Variants in MECR observed in about 807,000 individuals in gnomAD.
MECR encodes mitochondrial trans-2-enoyl-CoA reductase.
In MECR, 37 loss-of-function variants were observed where a neutral mutation model predicts 49.1. The observed-to-expected ratio is 0.75, with a 90% confidence interval of 0.58 to 0.99. The LOEUF (loss-of-function observed/expected upper bound fraction) is 0.99. Ranked by LOEUF, MECR falls within the 50% of genes least tolerant of loss-of-function variation. The probability of loss-of-function intolerance (pLI) is 0.00; values close to 1 mark genes in which losing one functional copy is unlikely to be tolerated. For synonymous variants in MECR, 198 were observed against 191.1 expected, an observed-to-expected ratio of 1.04 and a Z score of -0.30; for missense variants, 470 against 479.6, an observed-to-expected ratio of 0.98 and a Z score of 0.19.
At chr1:29,186,001 C>G in the MECR span, among the ~76,000 whole-genome samples, 3 of 152,070 alleles carry the variant, frequency 2.0e-5, no homozygotes, top group Non-Finnish European at 4.4e-5. Flanking sequence ...CACACACACA[C>G]AAAAACAACA....
chr1:29,212,641 C>G (rs1362285538), intron 3 of MECR, among the ~76,000 whole-genome samples: 1 of 152,238 alleles, frequency 6.6e-6, no homozygotes, highest in East Asian at 1.9e-4. Flanking sequence ...CCTCACACTT[C>G]ATCATCTGAA....
In MECR at chr1:29,193,627, T is replaced by A. The variant is rs1401294902; in HGVS notation, c.*395A>T. 1 of 193,108 alleles carries A rather than the reference T, an allele frequency of 5.2e-6. No individual in the cohort carries two copies. The highest frequency in any genetic ancestry group is 1.5e-4 in the East Asian group (1 of 6,498). The allele number at this position is 193,108 out of a possible 1,614,324, so 12.0% of individuals were successfully genotyped here. ...TACAGGACCCTCGTCTGTGGGCTTGTGCAGCTTGGGGCCAGGGATGGTGGC... is the reference window on the plus strand; with the variant it reads ...TACAGGACCCTCGTCTGTGGGCTTGAGCAGCTTGGGGCCAGGGATGGTGGC... On this transcript the variant is annotated 3_prime_UTR_variant, in exon 10 of 10. Coordinates refer to ENST00000263702, the MANE Select transcript of MECR (RefSeq NM_016011.5).
At chr1:29,182,786 C>T in the MECR span, among the ~76,000 whole-genome samples, 2 of 152,192 alleles carry the variant, frequency 1.3e-5, no homozygotes, top group African/African-American at 4.8e-5. Context: ...TCAGGTGATC[C>T]GCCCGCCTTG....
intron 2 of MECR, among the ~76,000 whole-genome samples, chr1:29,216,359 C>T (rs577073591): frequency 4.6e-5 from 7 of 152,168 alleles, no homozygotes; most frequent in Non-Finnish European, 7.3e-5. Context: ...ACCAGCATGT[C>T]GCAGGCACTT....
chr1:29,226,121 A>T (rs1021535465), intron 1 of MECR, among the ~76,000 whole-genome samples: 8 of 143,554 alleles, frequency 5.6e-5, no homozygotes, highest in African/African-American at 1.5e-4. Flanking sequence ...GTGAGCCGAG[A>T]TTGCACCACT....
intron 2 of MECR, 151 bp from the exon 3 acceptor site, chr1:29,216,287 AGGG>A: frequency 1.2e-6 from 1 of 863,830 alleles, no homozygotes. Context: ...TTGTCTGTAT[AGGG>A]GGACAATATT....
intron 1 of MECR, chr1:29,223,299 G>T (rs538298432): frequency 3.3e-5 from 33 of 985,434 alleles, no homozygotes; most frequent in Admixed American, 1.2e-4. Flanking sequence ...ACAAAAGCAG[G>T]CAGAAGAAAG....
downstream of MECR, among the ~76,000 whole-genome samples, chr1:29,191,003 CCT>C (rs1454963874): frequency 6.6e-6 from 1 of 152,008 alleles, no homozygotes; most frequent in African/African-American, 2.4e-5. Flanking sequence ...ACATAAATAC[CCT>C]GTCTCTGTAA....
the MECR span, among the ~76,000 whole-genome samples, chr1:29,181,075 G>C: frequency 6.6e-6 from 1 of 152,208 alleles, no homozygotes; most frequent in African/African-American, 2.4e-5. Context: ...AGCACGGCAA[G>C]ACGATACTTT....
chr1:29,194,147 C>A lies in MECR; in HGVS notation c.997G>T (p.Asp333Tyr), dbSNP rs1473634904. ...GTGAGCTGGCCTCGGCGGATGAGAT[C>A]GCACAGTGTGAGGATCAGCTCCTTG... ...QFKELILTLC[D>Y]LIRRGQLTAP... The change falls in exon 10 of 10, where the codon GAT (aspartate) becomes TAT (tyrosine). Residue 333 changes from aspartate to tyrosine, a missense_variant. By Grantham distance (160) the Asp-to-Tyr change is radical. Coordinates refer to ENST00000263702, the MANE Select transcript of MECR (RefSeq NM_016011.5). 3 of 1,613,144 alleles carry A rather than the reference C, an allele frequency of 1.9e-6. No individual in the cohort carries two copies. Among genetic ancestry groups the A allele is most frequent in the African/African-American group, 1.3e-5 (1 of 74,904 alleles).
chr1:29,190,932 C>T (rs549823683), downstream of MECR, among the ~76,000 whole-genome samples: 11 of 152,228 alleles, frequency 7.2e-5, no homozygotes, highest in South Asian at 2.3e-3. Flanking sequence ...TGCCATGTAC[C>T]CACCTAAAAG....
chr1:29,197,595 A>C (rs574705383), intron 7 of MECR, among the ~76,000 whole-genome samples: 1 of 152,210 alleles, frequency 6.6e-6, no homozygotes, highest in Non-Finnish European at 1.5e-5. Context: ...ATTTGGGGAC[A>C]ACACAAGGTA....
chr1:29,206,997 T>G lies in MECR; in HGVS notation c.407-92A>C, dbSNP rs1676763332. ...CTCCTTGGCCAAGAAGCATCCAGGA[T>G]AGTGGGTAGCATCCACTGGAAGCAT... On this transcript the variant is annotated intron_variant, in intron 3 of 9. Transcript: ENST00000263702. 8.4e-6 allele frequency: 12 copies of G among 1,427,414 alleles called. No homozygotes were observed. In the South Asian group the frequency reaches 1.4e-4, roughly 17 times the overall value. 88.4% of individuals were successfully genotyped at this position (1,427,414 alleles called of 1,614,324 possible). A position where few individuals can be genotyped will look rare whatever the true frequency, so the allele number is the denominator to read the frequency against.
chr1:29,172,302 T>A, the MECR span: 1 of 152,124 alleles, frequency 6.6e-6, no homozygotes, highest in African/African-American at 2.4e-5. Flanking sequence ...TTATTTTTAT[T>A]TTTTATTTTT....
chr1:29,183,282 C>T, the MECR span, among the ~76,000 whole-genome samples: 2 of 152,148 alleles, frequency 1.3e-5, no homozygotes, highest in Non-Finnish European at 2.9e-5. Context: ...ATGGTTCATA[C>T]CATTTTATAC....
intron 3 of MECR, among the ~76,000 whole-genome samples, chr1:29,212,980 C>T (rs1238388060): frequency 6.6e-6 from 1 of 152,214 alleles, no homozygotes; most frequent in African/African-American, 2.4e-5. Context: ...CCCCTCCTCA[C>T]CTAGCCCACT....
intron 4 of MECR, among the ~76,000 whole-genome samples, chr1:29,205,157 T>C (rs1398044111): frequency 6.6e-6 from 1 of 151,802 alleles, no homozygotes; most frequent in Non-Finnish European, 1.5e-5. Flanking sequence ...CAGCCTCTCA[T>C]CATTCAAGGG....
Position 29,196,033 on chromosome 1 carries a change from A to T in MECR, c.892-20T>A. 6.2e-7 allele frequency: 1 copy of T among 1,614,012 alleles called. No homozygotes were observed. The highest frequency in any genetic ancestry group is 8.5e-7 in the Non-Finnish European group (1 of 1,179,846). ...CAGGCTCTGCAGACACAGGAAGGAC[A>T]TGCTGGGCTCTGAGGGCAAGAACTT... On this transcript the variant is annotated intron_variant, in intron 8 of 9. Transcript: ENST00000263702.
rs777941162 is a variant in MECR, at chr1:29,206,772, T to C, written c.540A>G (p.Gln180=). 6 of 1,614,054 alleles carry C rather than the reference T, an allele frequency of 3.7e-6. No individual in the cohort carries two copies. Among genetic ancestry groups the C allele is most frequent in the Non-Finnish European group, 3.4e-6 (4 of 1,179,968 alleles). ...CCTGTGGGTTCCTACCTGGCTGCAGTTGCTCGAAGTCCATCAACATCCTGT... is the reference window on the plus strand; with the variant it reads ...CCTGTGGGTTCCTACCTGGCTGCAGCTGCTCGAAGTCCATCAACATCCTGT... ...TAYRMLMDFE[Q]LQPGDSVIQN... The change falls in exon 4 of 10, where the codon CAA becomes CAG. Residue 180 remains glutamine (Q), a synonymous_variant. Transcript: ENST00000263702.
Sources: gnomAD v4.1 joint callset for allele counts (sites outside exome capture counted in the v4.1 genomes callset) on GRCh38, gnomAD v4.1.1 for gene constraint, MANE v1.5 for transcripts, NCBI Gene and HGNC (gene_info 2026-07-23, HGNC 2026-07-21) for gene names.